Variants in SDK1 observed in about 807,000 individuals in gnomAD.
SDK1 encodes the protein protein sidekick-1.
A neutral mutation model predicts 245.5 loss-of-function variants in SDK1; 157 were observed. That is an observed-to-expected ratio of 0.64 (90% CI 0.56 to 0.73). The LOEUF (loss-of-function observed/expected upper bound fraction) is 0.73. Among genes scored for constraint, SDK1 ranks in the 30% least tolerant of loss-of-function variants. The pLI, the probability that SDK1 is intolerant of heterozygous loss-of-function variation, is 0.00. For synonymous variants in SDK1, 1,647 were observed against 1,278.5 expected (o/e 1.29, Z -6.15); for missense variants, 3,583 against 3,002.3 (o/e 1.19, Z -4.52).
Position 3,613,915 on chromosome 7 carries a change from G to C in SDK1, c.299-5165G>C, listed in dbSNP as rs570652200. 3.9e-5 allele frequency among the ~76,000 whole-genome samples: 6 copies of C among 152,272 alleles called. No individual in the cohort carries two copies. In the South Asian group the frequency reaches 1.2e-3, roughly 32 times the overall value. On this transcript the variant is annotated intron_variant, in intron 1 of 44. Transcript: ENST00000404826. Reference sequence around the variant, plus strand: ...CATGTTCTCCTCCTATAAGTGGGAGGTAAATGATGAGAACACATGGACACA... The same window carrying C: ...CATGTTCTCCTCCTATAAGTGGGAGCTAAATGATGAGAACACATGGACACA...
intron 1 of SDK1, among the ~76,000 whole-genome samples, chr7:3,564,117 C>G (rs374803096): frequency 1.0e-3 from 151 of 151,074 alleles, no homozygotes; most frequent in Admixed American, 1.6e-3. Context: ...TATTAGGAAA[C>G]AAGAAAGATA....
At chr7:4,013,977 C>T (rs191807333) in intron 16 of SDK1, among the ~76,000 whole-genome samples, 396 of 152,392 alleles carry the variant, frequency 2.6e-3, no homozygotes, top group Non-Finnish European at 4.4e-3. Flanking sequence ...AGCCCCGTGT[C>T]CCCGCCGCCT....
At chr7:3,559,170 G>T (rs1216092929) in intron 1 of SDK1, among the ~76,000 whole-genome samples, 2 of 152,132 alleles carry the variant, frequency 1.3e-5, no homozygotes, top group South Asian at 2.1e-4. Context: ...TATATAATAT[G>T]TTACATATAT....
At chr7:3,346,003 C>T (rs1022084508) in intron 1 of SDK1, among the ~76,000 whole-genome samples, 1 of 152,100 alleles carries the variant, frequency 6.6e-6, no homozygotes, top group African/African-American at 2.4e-5. Context: ...AGAATAACCC[C>T]ATTGTTAGAT....
chr7:3,865,842 A>G (rs550627238), intron 5 of SDK1, among the ~76,000 whole-genome samples: 14 of 152,224 alleles, frequency 9.2e-5, no homozygotes, highest in South Asian at 4.1e-4. Flanking sequence ...TTTTCTTCTA[A>G]ATAACCCAAG....
chr7:3,852,776 A>AT lies in SDK1; in HGVS notation c.847+31200dup, dbSNP rs1554271424. Among the ~76,000 whole-genome samples the AT allele has an allele frequency of 3.6e-3, 516 of 142,666 alleles. 12 individuals carry two copies. Among genetic ancestry groups the AT allele is most frequent in the African/African-American group, 0.012 (475 of 38,304 alleles). 93.6% of individuals were successfully genotyped at this position (142,666 alleles called of 152,430 possible). A position where few individuals can be genotyped will look rare whatever the true frequency, so the allele number is the denominator to read the frequency against. On this transcript the variant is annotated intron_variant, in intron 5 of 44. Coordinates refer to ENST00000404826, the MANE Select transcript of SDK1 (RefSeq NM_152744.4). ...AAAAAAAAAAAAAAAAAAAAAAAAA[A>AT]TTTTTTTCCTTGAAATTTGCTTTTA...
At chr7:3,398,415 G>A (rs960574526) in intron 1 of SDK1, among the ~76,000 whole-genome samples, 8 of 151,930 alleles carry the variant, frequency 5.3e-5, no homozygotes, top group Non-Finnish European at 1.0e-4. Flanking sequence ...GAGTTTCTTA[G>A]CATTTTTTTT....
chr7:4,117,304 C>CA (rs557447714), intron 25 of SDK1, among the ~76,000 whole-genome samples: 1 of 152,156 alleles, frequency 6.6e-6, no homozygotes, highest in African/African-American at 2.4e-5. Flanking sequence ...CCCATCTCTA[C>CA]AAAAAATACA....
intron 21 of SDK1, among the ~76,000 whole-genome samples, chr7:4,078,073 C>T (rs2128177911): frequency 6.6e-6 from 1 of 152,324 alleles, no homozygotes; most frequent in African/African-American, 2.4e-5. Context: ...CTCTGACGCA[C>T]ACTACGTCTG....
intron 1 of SDK1, among the ~76,000 whole-genome samples, chr7:3,302,840 C>T (rs558678318): frequency 1.3e-5 from 2 of 152,260 alleles, no homozygotes; most frequent in Admixed American, 6.5e-5. Context: ...AACGAACAAT[C>T]ATGGTAAGGA....
At chr7:3,865,807 T>C (rs891010467) in intron 5 of SDK1, among the ~76,000 whole-genome samples, 3 of 152,132 alleles carry the variant, frequency 2.0e-5, no homozygotes, top group African/African-American at 7.2e-5. Flanking sequence ...TTCACCTCCA[T>C]TCTTAACCCA....
intron 27 of SDK1, among the ~76,000 whole-genome samples, chr7:4,131,546 G>T (rs2128199328): frequency 6.6e-6 from 1 of 152,286 alleles, no homozygotes; most frequent in Non-Finnish European, 1.5e-5. Context: ...CTTTTATTTT[G>T]ATATTGATTG....
At chr7:3,537,394 A>G (rs1035531251) in intron 1 of SDK1, among the ~76,000 whole-genome samples, 2 of 152,064 alleles carry the variant, frequency 1.3e-5, no homozygotes, top group Non-Finnish European at 2.9e-5. Context: ...TGTGCCCCTG[A>G]GCTCTTTCCC....
At chr7:4,202,173 T>C (rs4723465) in intron 35 of SDK1, among the ~76,000 whole-genome samples, 11,140 of 152,282 alleles carry the variant, frequency 0.073, 430 homozygotes, top group Middle Eastern at 0.11. Context: ...ACCGTGATTA[T>C]TGTGATGCGT....
intron 28 of SDK1, among the ~76,000 whole-genome samples, chr7:4,132,985 C>G (rs956157718): frequency 6.6e-6 from 1 of 152,090 alleles, no homozygotes; most frequent in South Asian, 2.1e-4. Context: ...ATGGCGATAC[C>G]GTTTGTAACC....
intron 5 of SDK1, among the ~76,000 whole-genome samples, chr7:3,882,342 C>T (rs1292133890): frequency 6.6e-6 from 1 of 152,192 alleles, no homozygotes; most frequent in Non-Finnish European, 1.5e-5. Flanking sequence ...GAGAATGCTG[C>T]AGGGAGGGCG....
intron 44 of SDK1, among the ~76,000 whole-genome samples, chr7:4,253,909 A>G (rs1328949415): frequency 6.6e-6 from 1 of 152,024 alleles, no homozygotes; most frequent in Non-Finnish European, 1.5e-5. Context: ...ATTTTCCACT[A>G]TCAGCTTCTT....
chr7:3,726,839 C>A (rs1779023384), intron 4 of SDK1, among the ~76,000 whole-genome samples: 1 of 152,194 alleles, frequency 6.6e-6, no homozygotes, highest in African/African-American at 2.4e-5. Flanking sequence ...CAACTCTTCT[C>A]TTTACTCAAC....
chr7:3,814,287 G>A (rs1249981576), intron 4 of SDK1, among the ~76,000 whole-genome samples: 1 of 149,614 alleles, frequency 6.7e-6, no homozygotes, highest in African/African-American at 2.5e-5. Flanking sequence ...ATTGATTTTT[G>A]TATAAGGTGT....
Sources: allele counts gnomAD v4.1 joint callset (sites outside exome capture counted in the v4.1 genomes callset), GRCh38; gene constraint gnomAD v4.1.1; transcripts MANE v1.5; gene names NCBI Gene and HGNC (gene_info 2026-07-23, HGNC 2026-07-21).